ADCY10: variants seen among roughly 807,000 people sequenced by gnomAD.
The protein encoded by ADCY10 is adenylate cyclase type 10.
A neutral mutation model predicts 183.3 loss-of-function variants in ADCY10; 156 were observed. That is an observed-to-expected ratio of 0.85 (90% CI 0.75 to 0.97). The LOEUF is 0.97. Among genes scored for constraint, ADCY10 ranks in the 50% least tolerant of loss-of-function variants. The probability of loss-of-function intolerance (pLI) is 0.00; values close to 1 mark genes in which losing one functional copy is unlikely to be tolerated. For synonymous variants in ADCY10, 645 were observed against 670.0 expected (o/e 0.96, Z 0.58); for missense variants, 1,745 against 1,934.3 (o/e 0.90, Z 1.84).
At chr1:167,898,888 C>T (rs545061034) in intron 6 of ADCY10, among the ~76,000 whole-genome samples, 10 of 152,206 alleles carry the variant, frequency 6.6e-5, no homozygotes, top group Non-Finnish European at 1.3e-4. Flanking sequence ...TTTAATTGTC[C>T]ATATCCCAGG....
chr1:167,865,728 A>G (rs1666629335), intron 14 of ADCY10, among the ~76,000 whole-genome samples: 1 of 152,258 alleles, frequency 6.6e-6, no homozygotes. Flanking sequence ...GCATACCAAG[A>G]TGCAAATGCC....
Position 167,854,423 on chromosome 1 carries a change from A to C in ADCY10, c.2238T>G (p.His746Gln). 4 of 1,614,184 alleles carry C rather than the reference A, an allele frequency of 2.5e-6. No individual in the cohort carries two copies. Among genetic ancestry groups the C allele is most frequent in the Non-Finnish European group, 3.4e-6 (4 of 1,180,036 alleles). Residue 746 changes from histidine to glutamine, a missense_variant, in exon 18 of 33, where the codon CAT becomes CAG. Transcript: ENST00000367851. ...TTTGTTGGAAAACGAGTACCTCATG[A>C]TGTTCCAGGTTTTTAAGCAATTCTT... is the stretch of plus-strand genomic sequence containing the variant. ...YCEELLKNLE[H>Q]HEVLVFQQTE...
intron 31 of ADCY10, among the ~76,000 whole-genome samples, chr1:167,811,501 C>T (rs1321157413): frequency 6.6e-6 from 1 of 152,170 alleles, no homozygotes; most frequent in Non-Finnish European, 1.5e-5. Flanking sequence ...GCAGGAGAAT[C>T]GCTTGAACCA....
At position 167,810,894 on chromosome 1, in the gene ADCY10, G is replaced by A. The variant is rs541993992; in HGVS notation, c.4502C>T (p.Ala1501Val). 3 of 1,614,018 alleles carry A rather than the reference G, an allele frequency of 1.9e-6. No individual in the cohort carries two copies. In the East Asian group the frequency reaches 6.7e-5, roughly 36 times the overall value. Residue 1501 changes from alanine (A) to valine (V), a missense_variant, in exon 32 of 33, where the codon GCT (alanine) becomes GTT (valine). Transcript: ENST00000367851. ...ELLKNLENLV[A>V]QNTTGPVFCP... ...AAAGACAGGGCCAGTGGTATTTTGA[G>A]CCACCAGATTCTCCAAGTTCTAAAG...
intron 26 of ADCY10, 25 bp from the exon 27 acceptor site, chr1:167,824,880 G>A (rs1019257887): frequency 1.9e-5 from 31 of 1,606,708 alleles, no homozygotes; most frequent in Non-Finnish European, 2.4e-5. Flanking sequence ...TGGAGGAAGA[G>A]TGAGGCAGAA....
At position 167,824,798 on chromosome 1, in the gene ADCY10, C is replaced by T. The variant is rs1340611121; in HGVS notation, c.3808G>A (p.Val1270Met). Residue 1270 changes from valine (V) to methionine (M), a missense_variant, in exon 27 of 33, where the codon GTG (valine) becomes ATG (methionine). Transcript: ENST00000367851. ...GCCATGACTTCATATTTGAACCACA[C>T]ACCTTTGTAGCCAGCCAGGTGGTGG... is the stretch of plus-strand genomic sequence containing the variant. ...LYHHLAGYKG[V>M]WFKYEVMAME... The T allele has an allele frequency of 1.2e-6, 2 of 1,614,120 alleles. No individual in the cohort carries two copies. The highest frequency in any genetic ancestry group is 1.7e-6 in the Non-Finnish European group (2 of 1,180,050).
chr1:167,874,059 C>T (rs915724990), intron 13 of ADCY10, among the ~76,000 whole-genome samples: 2 of 152,172 alleles, frequency 1.3e-5, no homozygotes, highest in African/African-American at 4.8e-5. Flanking sequence ...GGGCTGGGCA[C>T]AGTGGCTCAC....
At chr1:167,849,185 T>G (rs1442076894) in intron 18 of ADCY10, among the ~76,000 whole-genome samples, 4 of 152,202 alleles carry the variant, frequency 2.6e-5, no homozygotes, top group Non-Finnish European at 2.9e-5. Context: ...AACATATATT[T>G]GTATGTATAC....
chr1:167,863,774 G>A (rs575497009), intron 14 of ADCY10, among the ~76,000 whole-genome samples: 1 of 152,360 alleles, frequency 6.6e-6, no homozygotes, highest in South Asian at 2.1e-4. Flanking sequence ...CCCCCGTGGA[G>A]GATCAACAGA....
rs181491795 is a variant in ADCY10, at chr1:167,866,135, G to T, written c.1616+4122C>A. Among the ~76,000 whole-genome samples, 54 of 152,272 alleles carry T rather than the reference G, an allele frequency of 3.5e-4. No individual in the cohort carries two copies. In the East Asian group the frequency reaches 9.6e-3, roughly 27 times the overall value. On this transcript the variant is annotated intron_variant, in intron 14 of 32. Transcript: ENST00000367851. ...AGCGGATGTGTGGTGGTATTGTGGT[G>T]GACCTTTACTGGGCACTCTGCCGAA...
intron 15 of ADCY10, 73 bp downstream of exon 15, chr1:167,860,798 C>A: frequency 1.6e-6 from 2 of 1,285,586 alleles, no homozygotes; most frequent in South Asian, 1.2e-5. Flanking sequence ...GATGCTAAGT[C>A]ACAATGCACC....
At chr1:167,810,466 C>T (rs1272451812) in intron 32 of ADCY10, among the ~76,000 whole-genome samples, 1 of 152,140 alleles carries the variant, frequency 6.6e-6, no homozygotes, top group Non-Finnish European at 1.5e-5. Flanking sequence ...TTTCTTTTTC[C>T]ATCCTTTTGA....
Position 167,888,648 on chromosome 1 carries a change from G to A in ADCY10, c.829-5020C>T, listed in dbSNP as rs552146711. Among the ~76,000 whole-genome samples, 6 of 152,098 alleles carry A rather than the reference G, an allele frequency of 3.9e-5. No homozygotes were observed. In the East Asian group the frequency reaches 7.7e-4, roughly 20 times the overall value. ...TCCCAGCACTTTGGGAGGCCGAGGC[G>A]GGCGGATCACGAGGTCAGGAGATCG... On this transcript the variant is annotated intron_variant, in intron 8 of 32. Transcript: ENST00000367851.
At chr1:167,811,626 C>G (rs1662214823) in intron 31 of ADCY10, among the ~76,000 whole-genome samples, 1 of 152,086 alleles carries the variant, frequency 6.6e-6, no homozygotes, top group African/African-American at 2.4e-5. Context: ...ACTGGAAGAT[C>G]AACAACTATT....
intron 1 of ADCY10, among the ~76,000 whole-genome samples, chr1:167,909,875 G>A (rs1332851312): frequency 2.0e-5 from 3 of 152,196 alleles, no homozygotes; most frequent in Non-Finnish European, 2.9e-5. Flanking sequence ...TGAAGAGAAA[G>A]AGGAAGTAAA....
intron 1 of ADCY10, among the ~76,000 whole-genome samples, chr1:167,913,762 C>CA (rs1402645296): frequency 4.6e-5 from 7 of 152,070 alleles, no homozygotes; most frequent in African/African-American, 1.7e-4. Context: ...GCTAGAAAGA[C>CA]AGAGCATCCA....
intron 8 of ADCY10, among the ~76,000 whole-genome samples, chr1:167,885,726 T>C (rs1327567900): frequency 3.3e-5 from 5 of 152,096 alleles, no homozygotes; most frequent in African/African-American, 1.2e-4. Flanking sequence ...AGTGATTCTG[T>C]TGCCTCAGCC....
chr1:167,876,068 C>G (rs755154377), intron 12 of ADCY10, among the ~76,000 whole-genome samples: 3 of 152,170 alleles, frequency 2.0e-5, no homozygotes, highest in Non-Finnish European at 4.4e-5. Flanking sequence ...ACCAGCCTGA[C>G]CAACATGGTG....
chr1:167,846,679 C>G (rs1004142819), intron 19 of ADCY10, among the ~76,000 whole-genome samples: 1 of 152,170 alleles, frequency 6.6e-6, no homozygotes, highest in Non-Finnish European at 1.5e-5. Flanking sequence ...CCCCTTTCTC[C>G]TAGAAACTCC....
Sources: allele counts gnomAD v4.1 joint callset (sites outside exome capture counted in the v4.1 genomes callset), GRCh38; gene constraint gnomAD v4.1.1; transcripts MANE v1.5; gene names NCBI Gene and HGNC (gene_info 2026-07-23, HGNC 2026-07-21).